Variants in ARL15 observed in about 807,000 individuals in gnomAD.
ARL15 encodes ARF like GTPase 15.
ARL15 carries 19 observed loss-of-function variants against 25.2 expected under a neutral mutation model. The ratio of observed to expected loss-of-function variants is 0.75; its 90% confidence interval spans 0.53 to 1.10. ARL15 has a LOEUF of 1.10. Ranked by LOEUF, ARL15 falls within the 50% of genes least tolerant of loss-of-function variation. The probability of loss-of-function intolerance (pLI) is 0.00; values close to 1 mark genes in which losing one functional copy is unlikely to be tolerated. For synonymous variants in ARL15, 94 were observed against 86.8 expected (o/e 1.08, Z -0.46); for missense variants, 220 against 246.0 (o/e 0.89, Z 0.71).
At chr5:54,018,111 G>C (rs1017777153) in intron 4 of ARL15, among the ~76,000 whole-genome samples, 1 of 152,142 alleles carries the variant, frequency 6.6e-6, no homozygotes, top group Admixed American at 6.5e-5. Context: ...AAAATATCTG[G>C]ATTCAAATCC....
At chr5:54,216,854 A>G (rs1579920217) in intron 1 of ARL15, among the ~76,000 whole-genome samples, 1 of 152,334 alleles carries the variant, frequency 6.6e-6, no homozygotes, top group East Asian at 1.9e-4. Context: ...GCATAAAATG[A>G]TAACTGAAAC....
At chr5:53,991,529 C>T (rs1473406053) in intron 4 of ARL15, among the ~76,000 whole-genome samples, 2 of 84,424 alleles carry the variant, frequency 2.4e-5, no homozygotes, top group Non-Finnish European at 4.2e-5. Flanking sequence ...GCAATAAGCT[C>T]GAAACTCCAT....
intron 4 of ARL15, among the ~76,000 whole-genome samples, chr5:54,084,424 CAA>C (rs10676630): frequency 3.1e-5 from 4 of 129,914 alleles, no homozygotes; most frequent in Admixed American, 7.8e-5. Context: ...ACTGACTCTT[CAA>C]AAAAAAAAAA....
intron 1 of ARL15, among the ~76,000 whole-genome samples, chr5:54,188,140 C>T (rs1755290725): frequency 6.6e-6 from 1 of 152,052 alleles, no homozygotes; most frequent in South Asian, 2.1e-4. Flanking sequence ...TCATCTGGAA[C>T]ATGCAACAAA....
chr5:53,933,288 T>C (rs1746251135), intron 4 of ARL15, among the ~76,000 whole-genome samples: 2 of 152,044 alleles, frequency 1.3e-5, no homozygotes, highest in South Asian at 4.2e-4. Flanking sequence ...AGGGAGGGTG[T>C]AGTTTGAATA....
At chr5:53,901,768 A>G (rs1745074992) in intron 4 of ARL15, among the ~76,000 whole-genome samples, 1 of 152,138 alleles carries the variant, frequency 6.6e-6, no homozygotes, top group African/African-American at 2.4e-5. Context: ...AAGAAAAACA[A>G]CTCATGATTA....
chr5:53,945,285 AC>A (rs376226122), intron 4 of ARL15, among the ~76,000 whole-genome samples: 4 of 152,346 alleles, frequency 2.6e-5, no homozygotes, highest in African/African-American at 9.6e-5. Context: ...AACTGTGAAC[AC>A]GGACATGTTT....
chr5:54,235,668 C>T (rs972681644), intron 1 of ARL15, among the ~76,000 whole-genome samples: 8 of 152,064 alleles, frequency 5.3e-5, no homozygotes, highest in Admixed American at 2.0e-4. Flanking sequence ...GACAGGGCTT[C>T]AACATGTTGC....
intron 4 of ARL15, among the ~76,000 whole-genome samples, chr5:53,901,748 G>C (rs929404296): frequency 3.3e-5 from 5 of 152,110 alleles, no homozygotes; most frequent in African/African-American, 1.2e-4. Flanking sequence ...AGGTTAAAGA[G>C]CATATGAAAA....
intron 4 of ARL15, among the ~76,000 whole-genome samples, chr5:54,055,730 T>TCA (rs1190612282): frequency 2.0e-5 from 3 of 152,130 alleles, no homozygotes; most frequent in African/African-American, 7.2e-5. Context: ...GTACATCCAG[T>TCA]TTCTTCTGTC....
chr5:54,181,665 C>T (rs774237006), intron 1 of ARL15, among the ~76,000 whole-genome samples: 4 of 152,160 alleles, frequency 2.6e-5, no homozygotes, highest in Non-Finnish European at 1.5e-5. Context: ...CGGGCACAGT[C>T]GCTCATGCTG....
chr5:54,015,463 T>C (rs1455756276), intron 4 of ARL15, among the ~76,000 whole-genome samples: 1 of 152,198 alleles, frequency 6.6e-6, no homozygotes, highest in African/African-American at 2.4e-5. Flanking sequence ...TTAACATCCA[T>C]ACATAAGTTA....
chr5:54,160,627 A>C (rs1754375822), intron 2 of ARL15, among the ~76,000 whole-genome samples: 1 of 152,176 alleles, frequency 6.6e-6, no homozygotes, highest in South Asian at 2.1e-4. Context: ...CAAATTACTC[A>C]AATTTTCTCT....
At chr5:54,226,733 A>G (rs1460321124) in intron 1 of ARL15, among the ~76,000 whole-genome samples, 1 of 152,238 alleles carries the variant, frequency 6.6e-6, no homozygotes, top group Non-Finnish European at 1.5e-5. Flanking sequence ...TCTTCAACTG[A>G]AGCAAAAATC....
chr5:54,009,487 T>C (rs939383284), intron 4 of ARL15, among the ~76,000 whole-genome samples: 2 of 152,204 alleles, frequency 1.3e-5, no homozygotes, highest in Non-Finnish European at 2.9e-5. Flanking sequence ...TACTTAGGCT[T>C]TGTATTACAT....
intron 4 of ARL15, among the ~76,000 whole-genome samples, chr5:53,964,926 C>T (rs527469068): frequency 6.6e-5 from 10 of 152,140 alleles, no homozygotes; most frequent in African/African-American, 1.9e-4. Context: ...TGAAGGTAAG[C>T]GACTTATTCC....
intron 3 of ARL15, among the ~76,000 whole-genome samples, chr5:54,127,747 C>T (rs1489661419): frequency 6.6e-6 from 1 of 151,724 alleles, no homozygotes; most frequent in African/African-American, 2.4e-5. Flanking sequence ...CTGGAGGCAT[C>T]ATGCTACCTG....
chr5:54,142,185 G>A (rs1753798740), intron 3 of ARL15, among the ~76,000 whole-genome samples: 1 of 152,154 alleles, frequency 6.6e-6, no homozygotes, highest in African/African-American at 2.4e-5. Flanking sequence ...GTAAGTGGAG[G>A]AGTTAAGGTC....
At chr5:54,104,922 A>G (rs1361255294) in intron 4 of ARL15, among the ~76,000 whole-genome samples, 1 of 152,080 alleles carries the variant, frequency 6.6e-6, no homozygotes, top group African/African-American at 2.4e-5. Flanking sequence ...AAAGTAAACC[A>G]TTTGTGCATT....
Sources: gnomAD v4.1 joint callset for allele counts (sites outside exome capture counted in the v4.1 genomes callset) on GRCh38, gnomAD v4.1.1 for gene constraint, MANE v1.5 for transcripts, NCBI Gene and HGNC (gene_info 2026-07-23, HGNC 2026-07-21) for gene names.